Variants in ADGRL3 observed in about 807,000 individuals in gnomAD.
ADGRL3 encodes the protein calcium-independent alpha-latrotoxin receptor 3.
ADGRL3 carries 62 observed loss-of-function variants against 153.5 expected under a neutral mutation model. The observed-to-expected ratio is 0.40, with a 90% CI of 0.33 to 0.50. ADGRL3 has a LOEUF of 0.50. Among genes scored for constraint, ADGRL3 ranks in the 20% least tolerant of loss-of-function variants. The pLI, the probability that ADGRL3 is intolerant of heterozygous loss-of-function variation, is 0.47. For synonymous variants in ADGRL3, 710 were observed against 672.5 expected (o/e 1.06, Z -0.86); for missense variants, 1,641 against 1,859.4 (o/e 0.88, Z 2.16).
chr4:62,071,783 G>A lies in ADGRL3; in HGVS notation c.*875G>A. ...TTTTATTCCTTTAAAATTTCGCCTG[G>A]CAAAAAATAAATAAATGGAACTATC... On this transcript the variant is annotated 3_prime_UTR_variant, in exon 27 of 27. Transcript: ENST00000683033. The A allele has an allele frequency of 7.8e-6, 3 of 383,750 alleles. No individual in the cohort carries two copies. The highest frequency in any genetic ancestry group is 2.2e-5 in the African/African-American group (1 of 45,372). 23.8% of individuals were successfully genotyped at this position (383,750 alleles called of 1,614,324 possible).
intron 1 of ADGRL3, among the ~76,000 whole-genome samples, chr4:61,255,277 A>C (rs1044424299): frequency 6.6e-6 from 1 of 152,206 alleles, no homozygotes; most frequent in Non-Finnish European, 1.5e-5. Flanking sequence ...GTTATAGTAT[A>C]TTCAGACTGA....
chr4:61,495,493 G>GGGGAA (rs1288103737), intron 2 of ADGRL3, among the ~76,000 whole-genome samples: 1 of 150,870 alleles, frequency 6.6e-6, no homozygotes, highest in Non-Finnish European at 1.5e-5. Context: ...AAGGAAGGAA[G>GGGGAA]GGGAAGGGAA....
At chr4:61,848,619 G>A (rs1243714764) in intron 9 of ADGRL3, among the ~76,000 whole-genome samples, 1 of 151,988 alleles carries the variant, frequency 6.6e-6, no homozygotes, top group African/African-American at 2.4e-5. Flanking sequence ...GTATCTTTTT[G>A]AGGGACACAA....
At chr4:61,993,493 T>C (rs2099111053) in intron 19 of ADGRL3, among the ~76,000 whole-genome samples, 1 of 151,728 alleles carries the variant, frequency 6.6e-6, no homozygotes, top group South Asian at 2.1e-4. Context: ...GATTTCACCA[T>C]GTTGGCCAGA....
intron 6 of ADGRL3, among the ~76,000 whole-genome samples, chr4:61,689,923 A>AG (rs1479893890): frequency 6.6e-6 from 1 of 152,168 alleles, no homozygotes; most frequent in Non-Finnish European, 1.5e-5. Flanking sequence ...GGAGAAAGCC[A>AG]GTAAATGAAC....
chr4:61,648,823 C>T lies in ADGRL3; in HGVS notation c.474-28003C>T, dbSNP rs908207561. Reference sequence around the variant, plus strand: ...TAAACTACTCATCTGGATATTGTTCCGATTTTATTGATGAAGAAATTGAGG... The same window carrying T: ...TAAACTACTCATCTGGATATTGTTCTGATTTTATTGATGAAGAAATTGAGG... On this transcript the variant is annotated intron_variant, in intron 5 of 26. Transcript: ENST00000683033. 4.0e-5 allele frequency among the ~76,000 whole-genome samples: 6 copies of T among 151,894 alleles called. No homozygotes were observed. The South Asian group carries it at 6.2e-4, about 16-fold the overall frequency.
intron 2 of ADGRL3, among the ~76,000 whole-genome samples, chr4:61,443,959 T>C (rs1404978356): frequency 6.6e-6 from 1 of 152,184 alleles, no homozygotes; most frequent in African/African-American, 2.4e-5. Flanking sequence ...GATGCCTGAA[T>C]CAGTGTGTAG....
rs972360185 is a variant in ADGRL3, at chr4:61,948,145, T to C, written c.2674T>C (p.Ser892Pro). The C allele has an allele frequency of 1.2e-6, 2 of 1,613,656 alleles. No individual in the cohort carries two copies. Among genetic ancestry groups the C allele is most frequent in the Non-Finnish European group, 8.5e-7 (1 of 1,179,750 alleles). Residue 892 changes from serine to proline, a missense_variant, in exon 17 of 27, where the codon TCC becomes CCC. Transcript: ENST00000683033. Reference protein sequence around the residue: ...FNPNCSFWSYSKRTMTGYWST... With the variant: ...FNPNCSFWSYPKRTMTGYWST... ...CCCTAACTGTTCATTTTGGAGCTAC[T>C]CCAAGCGTACAATGACAGGTTATTG...
At chr4:62,026,345 A>G (rs1209141885) in intron 21 of ADGRL3, among the ~76,000 whole-genome samples, 2 of 151,878 alleles carry the variant, frequency 1.3e-5, no homozygotes, top group Non-Finnish European at 2.9e-5. Context: ...ACCAATTCCA[A>G]TCCTTTAATT....
intron 1 of ADGRL3, among the ~76,000 whole-genome samples, chr4:61,273,263 C>T (rs992309637): frequency 2.0e-5 from 3 of 152,110 alleles, no homozygotes; most frequent in South Asian, 2.1e-4. Flanking sequence ...ACTGTCATCA[C>T]GCTGGAGCTC....
intron 1 of ADGRL3, among the ~76,000 whole-genome samples, chr4:61,356,726 A>G (rs1473837378): frequency 6.6e-6 from 1 of 152,126 alleles, no homozygotes; most frequent in Non-Finnish European, 1.5e-5. Context: ...GTTACTTATC[A>G]TAAACAAAAT....
intron 5 of ADGRL3, among the ~76,000 whole-genome samples, chr4:61,617,415 A>G (rs2092119425): frequency 6.6e-6 from 1 of 151,976 alleles, no homozygotes; most frequent in Non-Finnish European, 1.5e-5. Context: ...TTCCTTAAGC[A>G]TGGTAAAGTA....
intron 6 of ADGRL3, among the ~76,000 whole-genome samples, chr4:61,694,598 G>T (rs552017655): frequency 7.2e-5 from 11 of 152,250 alleles, no homozygotes; most frequent in Admixed American, 2.6e-4. Context: ...GGAGGATCTT[G>T]CCTCAGTGCT....
rs189677186 is a variant in ADGRL3 at position 61,889,312 on chromosome 4, G to T, written c.1481-3344G>T. Among the ~76,000 whole-genome samples, 5 of 152,302 alleles carry T rather than the reference G, an allele frequency of 3.3e-5. No individual in the cohort carries two copies. In the East Asian group the frequency reaches 9.6e-4, roughly 29 times the overall value. ...AGAACACATTGCAGGATGTGCAAAGGCCCTGAGGCAGAAAGAACAGGGTGC... is the reference window on the plus strand; with the variant it reads ...AGAACACATTGCAGGATGTGCAAAGTCCCTGAGGCAGAAAGAACAGGGTGC... On this transcript the variant is annotated intron_variant, in intron 9 of 26. Transcript: ENST00000683033.
chr4:61,852,738 A>G (rs939970018), intron 9 of ADGRL3, among the ~76,000 whole-genome samples: 1 of 152,164 alleles, frequency 6.6e-6, no homozygotes, highest in African/African-American at 2.4e-5. Flanking sequence ...AGTCTTTATG[A>G]GTTAAGTCTA....
chr4:61,494,870 A>T (rs1332970159), intron 2 of ADGRL3, among the ~76,000 whole-genome samples: 3 of 152,178 alleles, frequency 2.0e-5, no homozygotes, highest in Non-Finnish European at 4.4e-5. Flanking sequence ...TAGTTAAATT[A>T]TCAAATGATC....
At chr4:62,051,963 T>G (rs1472934012) in intron 25 of ADGRL3, among the ~76,000 whole-genome samples, 1 of 151,736 alleles carries the variant, frequency 6.6e-6, no homozygotes, top group Admixed American at 6.6e-5. Flanking sequence ...TGGTGTTCTT[T>G]TCTCTGATAG....
intron 1 of ADGRL3, among the ~76,000 whole-genome samples, chr4:61,228,478 A>G (rs751832000): frequency 1.1e-4 from 16 of 152,188 alleles, no homozygotes; most frequent in Admixed American, 2.6e-4. Flanking sequence ...TATAGAACTC[A>G]TCAGTGTCAT....
At chr4:61,710,465 A>C (rs1482285723) in intron 6 of ADGRL3, among the ~76,000 whole-genome samples, 1 of 152,142 alleles carries the variant, frequency 6.6e-6, no homozygotes, top group Admixed American at 6.6e-5. Context: ...AACCAGAGCC[A>C]TTGTCTTTTA....
Sources: allele counts gnomAD v4.1 joint callset (sites outside exome capture counted in the v4.1 genomes callset), GRCh38; gene constraint gnomAD v4.1.1; transcripts MANE v1.5; gene names NCBI Gene and HGNC (gene_info 2026-07-23, HGNC 2026-07-21).